The following TRAPPC9 variants were observed in gnomAD, a reference collection of about 807,000 sequenced individuals.
TRAPPC9 encodes IKK2 binding protein.
Under a neutral mutation model 124.0 loss-of-function variants are expected in TRAPPC9, and 83 were observed. The observed-to-expected ratio is 0.67, with a 90% CI of 0.56 to 0.80. The LOEUF (loss-of-function observed/expected upper bound fraction) is 0.80, where lower values mean the gene tolerates loss of function less well. TRAPPC9 is among the 30% of genes least tolerant of loss of function. The pLI is 0.00. For missense variants in TRAPPC9, 1,302 were observed against 1,508.3 expected (o/e 0.86, Z 2.27); for synonymous variants, 638 against 617.5 (o/e 1.03, Z -0.49).
intron 17 of TRAPPC9, among the ~76,000 whole-genome samples, chr8:140,156,027 T>C (rs1291357305): frequency 6.6e-6 from 1 of 152,132 alleles, no homozygotes; most frequent in African/African-American, 2.4e-5. Context: ...CCTCCAGTCA[T>C]GTTAGCTGTA....
chr8:140,035,432 C>CAT (rs1169902527), intron 17 of TRAPPC9, among the ~76,000 whole-genome samples: 3 of 152,160 alleles, frequency 2.0e-5, no homozygotes, highest in Non-Finnish European at 4.4e-5. Flanking sequence ...GATGGGGACC[C>CAT]CCAGCAAAGA....
At chr8:139,834,542 G>A (rs1419039681) in intron 21 of TRAPPC9, among the ~76,000 whole-genome samples, 5 of 152,234 alleles carry the variant, frequency 3.3e-5, no homozygotes, top group African/African-American at 7.2e-5. Context: ...GGCGTCTGGC[G>A]AATGGCAGGG....
intron 8 of TRAPPC9, among the ~76,000 whole-genome samples, chr8:140,363,536 A>T (rs1243387157): frequency 1.3e-5 from 2 of 152,052 alleles, no homozygotes; most frequent in African/African-American, 4.8e-5. Flanking sequence ...AATCTCAGCC[A>T]GTCACCTTCT....
intron 19 of TRAPPC9, among the ~76,000 whole-genome samples, chr8:139,982,434 C>G (rs2614719): frequency 0.93 from 142,169 of 152,218 alleles, 66,535 homozygotes; most frequent in Middle Eastern, 1. Context: ...CTGTAGAACT[C>G]CCTATGAAAG....
At chr8:140,110,037 T>C (rs1249793935) in intron 17 of TRAPPC9, among the ~76,000 whole-genome samples, 1 of 152,062 alleles carries the variant, frequency 6.6e-6, no homozygotes, top group Non-Finnish European at 1.5e-5. Context: ...AGGCTCCGCA[T>C]GCCCCTGAGC....
At chr8:140,422,684 G>A (rs2070261023) in intron 5 of TRAPPC9, among the ~76,000 whole-genome samples, 1 of 148,516 alleles carries the variant, frequency 6.7e-6, no homozygotes, top group Admixed American at 6.7e-5. Context: ...AACCCGGGTG[G>A]CAGGGGTTGC....
intron 21 of TRAPPC9, among the ~76,000 whole-genome samples, chr8:139,836,793 T>C (rs1363476084): frequency 1.3e-5 from 2 of 152,210 alleles, no homozygotes; most frequent in Non-Finnish European, 2.9e-5. Context: ...AGATACTTCA[T>C]TCTGTAAGCT....
chr8:140,124,704 G>GGGGGAGGACCCCTCATA (rs1554628226), intron 17 of TRAPPC9, among the ~76,000 whole-genome samples: 1 of 143,222 alleles, frequency 7.0e-6, no homozygotes, highest in African/African-American at 2.9e-5. Context: ...AGACCCTCGC[G>GGGGGAGGACCCCTCATA]GGGGAGGACC....
At chr8:140,360,728 G>A (rs2067926704) in intron 8 of TRAPPC9, among the ~76,000 whole-genome samples, 1 of 152,166 alleles carries the variant, frequency 6.6e-6, no homozygotes, top group African/African-American at 2.4e-5. Flanking sequence ...TGCACAGACA[G>A]TTGAAAAGTA....
intron 19 of TRAPPC9, among the ~76,000 whole-genome samples, chr8:139,941,738 G>A (rs546900188): frequency 6.6e-6 from 1 of 152,354 alleles, no homozygotes; most frequent in African/African-American, 2.4e-5. Flanking sequence ...TTTCAGTGAA[G>A]GTCTCAGGGC....
At chr8:140,323,569 G>C (rs2066656489) in intron 9 of TRAPPC9, among the ~76,000 whole-genome samples, 1 of 152,164 alleles carries the variant, frequency 6.6e-6, no homozygotes, top group Non-Finnish European at 1.5e-5. Flanking sequence ...GTATCTGTTG[G>C]AAAACTGACT....
chr8:140,399,498 G>C (rs1244734485), intron 6 of TRAPPC9, among the ~76,000 whole-genome samples: 1 of 152,232 alleles, frequency 6.6e-6, no homozygotes, highest in Admixed American at 6.5e-5. Context: ...ACGAGACATG[G>C]AATCAAAGGA....
intron 21 of TRAPPC9, among the ~76,000 whole-genome samples, chr8:139,741,670 GC>G (rs980401443): frequency 4.6e-5 from 7 of 151,856 alleles, no homozygotes; most frequent in African/African-American, 1.5e-4. Flanking sequence ...TCACTGCCCT[GC>G]CCCCCAGACC....
At chr8:139,813,098 T>C (rs886759050) in intron 21 of TRAPPC9, among the ~76,000 whole-genome samples, 2 of 152,164 alleles carry the variant, frequency 1.3e-5, no homozygotes, top group East Asian at 1.9e-4. Context: ...AGAGGCCGGG[T>C]GCCAGCTGCT....
At chr8:139,867,456 G>T (rs1050120894) in intron 21 of TRAPPC9, among the ~76,000 whole-genome samples, 1 of 152,150 alleles carries the variant, frequency 6.6e-6, no homozygotes, top group African/African-American at 2.4e-5. Flanking sequence ...CCATGATGAG[G>T]AATCGGATAT....
At chr8:139,903,507 C>G (rs946987192) in intron 20 of TRAPPC9, among the ~76,000 whole-genome samples, 1 of 152,158 alleles carries the variant, frequency 6.6e-6, no homozygotes, top group African/African-American at 2.4e-5. Flanking sequence ...TGATTTGCAA[C>G]AAAAACAAGG....
chr8:140,352,252 T>C (rs1328339497), intron 9 of TRAPPC9, among the ~76,000 whole-genome samples: 2 of 152,304 alleles, frequency 1.3e-5, no homozygotes, highest in African/African-American at 2.4e-5. Context: ...ATACTTTAGA[T>C]GGATAAATTG....
chr8:140,261,570 C>G (rs189977507), intron 15 of TRAPPC9, among the ~76,000 whole-genome samples: 1 of 152,332 alleles, frequency 6.6e-6, no homozygotes, highest in African/African-American at 2.4e-5. Flanking sequence ...GTCCTAGTAG[C>G]TGGAAGTAAA....
chr8:140,061,495 C>G (rs1286169620), intron 17 of TRAPPC9, among the ~76,000 whole-genome samples: 1 of 152,186 alleles, frequency 6.6e-6, no homozygotes, highest in African/African-American at 2.4e-5. Flanking sequence ...GGCCACGGCA[C>G]AGTGAGTACA....
Sources: allele counts gnomAD v4.1 joint callset (sites outside exome capture counted in the v4.1 genomes callset), GRCh38; gene constraint gnomAD v4.1.1; transcripts MANE v1.5; gene names NCBI Gene and HGNC (gene_info 2026-07-23, HGNC 2026-07-21).